EXD3: variants seen among roughly 807,000 people sequenced by gnomAD.
EXD3 encodes exonuclease mut-7 homolog.
EXD3 carries 92 observed loss-of-function variants against 98.0 expected under a neutral mutation model. That is an observed-to-expected ratio of 0.94 (90% CI 0.79 to 1.12). EXD3 has a LOEUF of 1.12. EXD3 is among the 50% of genes most tolerant of loss of function. The pLI, the probability that EXD3 is intolerant of heterozygous loss-of-function variation, is 0.00. For missense variants in EXD3, 1,222 were observed against 1,191.6 expected, an observed-to-expected ratio of 1.03 and a Z score of -0.38; for synonymous variants, 569 against 526.0, an observed-to-expected ratio of 1.08 and a Z score of -1.12.
At position 137,309,702 on chromosome 9, in the gene EXD3, T is replaced by C; in HGVS notation, c.2185-2A>G. On this transcript the variant is annotated splice_acceptor_variant, in intron 19 of 21. Coordinates refer to ENST00000340951, the MANE Select transcript of EXD3 (RefSeq NM_017820.5). LOFTEE classifies it high-confidence loss of function. The stretch of plus-strand genomic sequence containing the variant: ...TAGGTACTGGTCACAGTTACAGGCC[T>C]GGGGGCCAGAGGGGGTGCTGAGGCC... 1 of 1,552,118 alleles carries C rather than the reference T, an allele frequency of 6.4e-7. No homozygotes were observed. The highest frequency in any genetic ancestry group is 8.7e-7 in the Non-Finnish European group (1 of 1,147,914).
At chr9:137,373,242 G>A (rs374483477) in intron 4 of EXD3, among the ~76,000 whole-genome samples, 170 bp from the exon 5 acceptor site, 34 of 152,336 alleles carry the variant, frequency 2.2e-4, no homozygotes, top group Middle Eastern at 3.4e-3. Flanking sequence ...GTCTCAGCAC[G>A]TGACTGTCAG....
At chr9:137,335,182 A>C (rs1337451138) in intron 17 of EXD3, among the ~76,000 whole-genome samples, 1 of 152,188 alleles carries the variant, frequency 6.6e-6, no homozygotes, top group Non-Finnish European at 1.5e-5. Flanking sequence ...AAGAATCTAC[A>C]AGGAACTCAA....
Position 137,351,035 on chromosome 9 carries a change from C to T in EXD3, c.1494+3G>A. 6.4e-7 allele frequency: 1 copy of T among 1,555,846 alleles called. No individual in the cohort carries two copies. The highest frequency in any genetic ancestry group is 8.7e-7 in the Non-Finnish European group (1 of 1,150,292). On this transcript the variant is annotated splice_donor_region_variant and intron_variant, in intron 14 of 21. Transcript: ENST00000340951. ...TCTTGTGAGCGGCTCAGTGGGTGCC[C>T]ACCTGTCTGTGCACCAGCAGCAGGT... is the stretch of plus-strand genomic sequence containing the variant.
intron 1 of EXD3, among the ~76,000 whole-genome samples, chr9:137,396,500 C>T (rs951346577): frequency 1.6e-4 from 24 of 152,276 alleles, no homozygotes; most frequent in Non-Finnish European, 3.1e-4. Flanking sequence ...TGGCCATTCC[C>T]GGGGAGACGG....
chr9:137,316,094 C>T lies in EXD3; in HGVS notation c.2185-6394G>A, dbSNP rs1218903239. 9.9e-5 allele frequency among the ~76,000 whole-genome samples: 15 copies of T among 151,860 alleles called. No homozygotes were observed. In the East Asian group the frequency reaches 2.9e-3, roughly 30 times the overall value. On this transcript the variant is annotated intron_variant, in intron 19 of 21. Transcript: ENST00000340951. ...CTCTCGTTCCCTCCCCCGGCCCCCC[C>T]CAGCCTCGGCGGGGCGCGGCGCGCT...
Position 137,352,057 on chromosome 9 carries a change from G to T in EXD3, c.1173+9C>A, listed in dbSNP as rs1205278610. On this transcript the variant is annotated intron_variant, in intron 12 of 21. Transcript: ENST00000340951. ...CACCGGGCGCTGCCCCAGCGGCCGA[G>T]GGAACCACCTGCAGGAGTGCACCCT... The T allele has an allele frequency of 6.2e-7, 1 of 1,608,326 alleles. No homozygotes were observed. Among genetic ancestry groups the T allele is most frequent in the South Asian group, 1.1e-5 (1 of 90,414 alleles).
chr9:137,324,108 C>A lies in EXD3; in HGVS notation c.2034G>T (p.Ser678=), dbSNP rs201023361. 1.3e-6 allele frequency: 2 copies of A among 1,588,254 alleles called. No individual in the cohort carries two copies. The highest frequency in any genetic ancestry group is 1.7e-6 in the Non-Finnish European group (2 of 1,168,204). Reference sequence around the variant, plus strand: ...CACTCACCTTGTGGAATGGCTGCCCCGACGTCAGAATGATCCTCCCCTCCT... The same window carrying A: ...CACTCACCTTGTGGAATGGCTGCCCAGACGTCAGAATGATCCTCCCCTCCT... ...ARQEGRIILT[S]GQPFHKLRAQ... Residue 678 remains serine, a synonymous_variant, in exon 18 of 22, where the codon TCG becomes TCT. Coordinates refer to ENST00000340951, the MANE Select transcript of EXD3 (RefSeq NM_017820.5). The surrounding 1 kb of genome is among the most constrained non-coding windows in gnomAD (Gnocchi z 4.1).
chr9:137,327,998 G>T (rs1172556400), intron 17 of EXD3, among the ~76,000 whole-genome samples: 1 of 151,252 alleles, frequency 6.6e-6, no homozygotes, highest in African/African-American at 2.4e-5. Flanking sequence ...CATATGATGA[G>T]TAAAACAACT....
chr9:137,317,182 G>A (rs371922117), intron 19 of EXD3, among the ~76,000 whole-genome samples: 1 of 152,122 alleles, frequency 6.6e-6, no homozygotes, highest in East Asian at 1.9e-4. Flanking sequence ...TGCGGGCAGG[G>A]GAGGCGGCCC....
chr9:137,404,970 T>C (rs1041586443), intron 1 of EXD3, among the ~76,000 whole-genome samples: 1 of 152,132 alleles, frequency 6.6e-6, no homozygotes, highest in Non-Finnish European at 1.5e-5. Context: ...CCCTCAGAGC[T>C]GTTGCCACAG....
At chr9:137,328,647 C>CA (rs2119127859) in intron 17 of EXD3, among the ~76,000 whole-genome samples, 4 of 78,872 alleles carry the variant, frequency 5.1e-5, no homozygotes, top group African/African-American at 2.2e-4. Flanking sequence ...CGGGGCTACA[C>CA]GGGACTACAC....
chr9:137,352,178 A>G lies in EXD3; in HGVS notation c.1061T>C (p.Leu354Pro). ...QGRATEADSR[L>P]EVKDMKDRYY... is the part of the protein sequence containing the mutation. ...ACGGTCCTTCATGTCCTTCACCTCC[A>G]GCCTCGAGTCAGCCTCAGTCGCCCT... Residue 354 changes from leucine to proline, a missense_variant, in exon 12 of 22, where the codon CTG (leucine) becomes CCG (proline). By Grantham distance (98) the Leu-to-Pro change is moderately conservative (BLOSUM62 -3). Transcript: ENST00000340951. 6.2e-7 allele frequency: 1 copy of G among 1,612,710 alleles called. No individual in the cohort carries two copies. Among genetic ancestry groups the G allele is most frequent in the East Asian group, 2.2e-5 (1 of 44,882 alleles).
intron 1 of EXD3, among the ~76,000 whole-genome samples, chr9:137,399,400 C>T (rs1239238548): frequency 1.3e-5 from 2 of 152,244 alleles, no homozygotes; most frequent in Non-Finnish European, 2.9e-5. Flanking sequence ...TTAGAACTTA[C>T]ACTTCCTGAG....
At chr9:137,418,039 C>G (rs1234870390) in intron 1 of EXD3, among the ~76,000 whole-genome samples, 3 of 152,084 alleles carry the variant, frequency 2.0e-5, no homozygotes, top group Non-Finnish European at 4.4e-5. Context: ...TGGGTGATGC[C>G]ACTTCTCCTA....
rs769513867 is a variant in EXD3, at chr9:137,393,268, G to A, written c.55+2035C>T. 1.0e-5 allele frequency: 7 copies of A among 701,944 alleles called. No individual in the cohort carries two copies. The highest frequency in any genetic ancestry group is 6.0e-5 in the Admixed American group (3 of 49,986). 43.5% of individuals were successfully genotyped at this position (701,944 alleles called of 1,614,324 possible). On this transcript the variant is annotated intron_variant, in intron 2 of 21. Transcript: ENST00000340951. This position sits in a 1 kb window ranked among gnomAD's most constrained non-coding sequence, Gnocchi z 4.6. ...GGGAGAGTCAGCTCTGTGCTGAGGC[G>A]AACCCAGGGTCCCATGCGCTCCCCG... is the stretch of plus-strand genomic sequence containing the variant.
intron 9 of EXD3, 62 bp downstream of exon 9, chr9:137,354,638 G>A (rs748467325): frequency 1.9e-6 from 3 of 1,601,030 alleles, no homozygotes; most frequent in East Asian, 2.2e-5. Context: ...GAGTATCCCA[G>A]GCCAAACTCT....
chr9:137,340,012 CA>C (rs1445948536), intron 17 of EXD3, among the ~76,000 whole-genome samples: 1 of 152,090 alleles, frequency 6.6e-6, no homozygotes, highest in Non-Finnish European at 1.5e-5. Flanking sequence ...CAGTAAGAGC[CA>C]GGGGCATTTA....
intron 19 of EXD3, 50 bp from the exon 20 acceptor site, chr9:137,309,750 C>T (rs1285126483): frequency 7.1e-7 from 1 of 1,416,528 alleles, no homozygotes; most frequent in African/African-American, 1.4e-5. Context: ...CTCCGGGTGC[C>T]CCATACCCCA....
chr9:137,351,976 T>C, intron 12 of EXD3, 90 bp downstream of exon 12: 1 of 1,482,738 alleles, frequency 6.7e-7, no homozygotes, highest in Non-Finnish European at 9.0e-7. Context: ...AGGCCTTGCC[T>C]CTCTCCGAAT....
Sources: allele counts gnomAD v4.1 joint callset (sites outside exome capture counted in the v4.1 genomes callset), GRCh38; gene constraint gnomAD v4.1.1; non-coding constraint Gnocchi (gnomAD v3.1); transcripts MANE v1.5; gene names NCBI Gene and HGNC (gene_info 2026-07-23, HGNC 2026-07-21).